The following GLYATL2 variants were observed in gnomAD, a reference collection of about 807,000 sequenced individuals.
GLYATL2 encodes glycine N-acyltransferase-like protein 2.
In GLYATL2, 25 loss-of-function variants were observed where a neutral mutation model predicts 21.4. The observed-to-expected ratio is 1.17, with a 90% CI of 0.85 to 1.63. The LOEUF (loss-of-function observed/expected upper bound fraction) is 1.63, where lower values mean the gene tolerates loss of function less well. Among genes scored for constraint, GLYATL2 ranks in the 40% most tolerant of loss-of-function variants. The probability of loss-of-function intolerance (pLI) is 0.00; values close to 1 mark genes in which losing one functional copy is unlikely to be tolerated. For missense variants in GLYATL2, 361 were observed against 343.3 expected, an observed-to-expected ratio of 1.05 and a Z score of -0.41; for synonymous variants, 114 against 118.2, an observed-to-expected ratio of 0.96 and a Z score of 0.23.
At chr11:58,858,204 A>G (rs1371400038) in intron 1 of GLYATL2, among the ~76,000 whole-genome samples, 2 of 152,128 alleles carry the variant, frequency 1.3e-5, no homozygotes, top group African/African-American at 4.8e-5. Context: ...AAACTCCACA[A>G]AGCTTTAAGT....
intron 1 of GLYATL2, chr11:58,893,301 A>AT (rs1329380814): frequency 4.4e-6 from 1 of 229,834 alleles, no homozygotes; most frequent in Admixed American, 5.8e-5. Flanking sequence ...TGAACATGAG[A>AT]TTCACGAAAT....
rs562858758 is a variant in GLYATL2, at chr11:58,872,410, G to A, written n.60+31746C>T. Among the ~76,000 whole-genome samples, 530 of 152,258 alleles carry A rather than the reference G, an allele frequency of 3.5e-3. 3 individuals are homozygous for A. The highest frequency in any genetic ancestry group is 0.012 in the African/African-American group (510 of 41,556). On this transcript the variant is annotated intron_variant and non_coding_transcript_variant, in intron 1 of 4. Coordinates refer to the GLYATL2 transcript ENST00000533636. Reference sequence around the variant, plus strand: ...CTAGGTTTTCTTCTAGGGTTTTTATGGTTTTAGGTATAACATGTAAGTCTT... The same window carrying A: ...CTAGGTTTTCTTCTAGGGTTTTTATAGTTTTAGGTATAACATGTAAGTCTT...
chr11:58,896,265 C>T (rs2134626167), intron 1 of GLYATL2, among the ~76,000 whole-genome samples: 1 of 152,230 alleles, frequency 6.6e-6, no homozygotes, highest in East Asian at 1.9e-4. Flanking sequence ...CTTCATGCAT[C>T]ACCTAAATGG....
At chr11:58,859,790 T>G (rs534007664) in intron 1 of GLYATL2, among the ~76,000 whole-genome samples, 1 of 152,296 alleles carries the variant, frequency 6.6e-6, no homozygotes, top group Non-Finnish European at 1.5e-5. Flanking sequence ...TGGTTGATTT[T>G]TATACATGGT....
chr11:58,846,080 G>C (rs1458981908), upstream of GLYATL2, among the ~76,000 whole-genome samples: 1 of 152,100 alleles, frequency 6.6e-6, no homozygotes, highest in Admixed American at 6.5e-5. Flanking sequence ...GAGTTATACA[G>C]TAAACTAATC....
At chr11:58,895,210 A>AG (rs1398397923) in intron 1 of GLYATL2, among the ~76,000 whole-genome samples, 3 of 152,232 alleles carry the variant, frequency 2.0e-5, no homozygotes, top group Non-Finnish European at 4.4e-5. Context: ...CACTTGGATT[A>AG]GAAAAACAAC....
chr11:58,873,873 C>A (rs1854173348), intron 1 of GLYATL2, among the ~76,000 whole-genome samples: 1 of 152,140 alleles, frequency 6.6e-6, no homozygotes, highest in African/African-American at 2.4e-5. Context: ...ACCAGCTCCT[C>A]CTTGTACTTC....
chr11:58,902,384 C>T (rs1395478036), intron 1 of GLYATL2, among the ~76,000 whole-genome samples: 1 of 152,192 alleles, frequency 6.6e-6, no homozygotes, highest in Non-Finnish European at 1.5e-5. Flanking sequence ...CTCTTTTCTT[C>T]TGTCAAACTC....
rs965273095 is a variant in GLYATL2, at chr11:58,839,429, C to T, written c.78+106G>A. On this transcript the variant is annotated intron_variant, in intron 2 of 5. Coordinates refer to ENST00000287275, the MANE Select transcript of GLYATL2 (RefSeq NM_145016.4). ...TTAAAGTAATCTTTGCACAGATTCT[C>T]ACTTTAGACTTGCATTCCCATCTCC... The T allele has an allele frequency of 8.2e-6, 5 of 612,884 alleles. No individual in the cohort carries two copies. In the African/African-American group the frequency reaches 9.2e-5, roughly 11 times the overall value. The allele number at this position is 612,884 out of a possible 1,614,324, so 38.0% of individuals were successfully genotyped here.
chr11:58,905,736 A>AG, upstream of GLYATL2: 1 of 17,822 alleles, frequency 5.6e-5, no homozygotes, highest in South Asian at 7.1e-4. Context: ...CATCTGGACA[A>AG]ATAGGGAGGG....
chr11:58,844,909 G>A (rs1230097643), upstream of GLYATL2: 1 of 152,140 alleles, frequency 6.6e-6, no homozygotes, highest in Non-Finnish European at 1.5e-5. Context: ...ACCATTTGTG[G>A]CTTGGAAAAA....
intron 1 of GLYATL2, among the ~76,000 whole-genome samples, chr11:58,854,762 C>A (rs533951714): frequency 1.3e-5 from 2 of 152,330 alleles, no homozygotes; most frequent in African/African-American, 2.4e-5. Flanking sequence ...ACCCTTTCAA[C>A]CCTCGCTACA....
At chr11:58,838,864 T>C (rs1444536221) in intron 2 of GLYATL2, among the ~76,000 whole-genome samples, 1 of 152,164 alleles carries the variant, frequency 6.6e-6, no homozygotes, top group East Asian at 1.9e-4. Context: ...GGAAAAGCAC[T>C]ACCTGTCTAG....
At chr11:58,838,918 T>C (rs1285398311) in intron 2 of GLYATL2, among the ~76,000 whole-genome samples, 2 of 152,214 alleles carry the variant, frequency 1.3e-5, no homozygotes, top group East Asian at 3.9e-4. Context: ...ATATCTGAAC[T>C]GGGTCTTGAT....
At chr11:58,845,930 C>T (rs1853634378), upstream of GLYATL2, among the ~76,000 whole-genome samples, 1 of 152,152 alleles carries the variant, frequency 6.6e-6, no homozygotes, top group Non-Finnish European at 1.5e-5. Flanking sequence ...TCTACACATT[C>T]TTGCTATGTA....
chr11:58,889,512 T>G (rs1362613109), intron 1 of GLYATL2, among the ~76,000 whole-genome samples: 1 of 152,132 alleles, frequency 6.6e-6, no homozygotes, highest in African/African-American at 2.4e-5. Flanking sequence ...TGAATTACAT[T>G]TGATTCTGTC....
chr11:58,873,188 G>A (rs1854158089), intron 1 of GLYATL2, among the ~76,000 whole-genome samples: 1 of 151,388 alleles, frequency 6.6e-6, no homozygotes, highest in Admixed American at 6.6e-5. Flanking sequence ...ATTTGGGGCT[G>A]AGACGATGGG....
chr11:58,893,271 G>A (rs934902634), intron 1 of GLYATL2: 2 of 253,480 alleles, frequency 7.9e-6, no homozygotes, highest in Admixed American at 5.6e-5. Context: ...AATACCGAAG[G>A]AGAGGCAACA....
At chr11:58,845,766 G>A (rs1389806021), upstream of GLYATL2, among the ~76,000 whole-genome samples, 1 of 152,208 alleles carries the variant, frequency 6.6e-6, no homozygotes, top group Non-Finnish European at 1.5e-5. Flanking sequence ...CAGTGGCAAT[G>A]TCTGGAACAT....
Sources: allele counts gnomAD v4.1 joint callset (sites outside exome capture counted in the v4.1 genomes callset), GRCh38; gene constraint gnomAD v4.1.1; transcripts MANE v1.5; gene names NCBI Gene and HGNC (gene_info 2026-07-23, HGNC 2026-07-21).